The following FAM169A variants were observed in gnomAD, a reference collection of about 807,000 sequenced individuals.
The protein encoded by FAM169A is family with sequence similarity 169 member A.
FAM169A carries 24 observed loss-of-function variants against 75.7 expected under a neutral mutation model. The observed-to-expected ratio is 0.32, with a 90% CI of 0.23 to 0.45. The LOEUF (loss-of-function observed/expected upper bound fraction) is 0.45, where lower values mean the gene tolerates loss of function less well. Ranked by LOEUF, FAM169A falls within the 20% of genes least tolerant of loss-of-function variation. The pLI is 1.00. For missense variants in FAM169A, 673 were observed against 784.0 expected, an observed-to-expected ratio of 0.86 and a Z score of 1.69; for synonymous variants, 271 against 271.0, an observed-to-expected ratio of 1.00 and a Z score of 0.00.
intron 6 of FAM169A, among the ~76,000 whole-genome samples, chr5:74,807,239 G>A (rs1000191079): frequency 6.6e-6 from 1 of 152,038 alleles, no homozygotes; most frequent in Admixed American, 6.6e-5. Flanking sequence ...AATGTGTTCT[G>A]AACACTTACA....
chr5:74,794,920 T>C (rs1746189886), intron 11 of FAM169A, among the ~76,000 whole-genome samples: 1 of 151,888 alleles, frequency 6.6e-6, no homozygotes, highest in South Asian at 2.1e-4. Context: ...ACATATGTCA[T>C]TTCATGAAAT....
chr5:74,836,252 T>C (rs1214402205), intron 4 of FAM169A, among the ~76,000 whole-genome samples: 1 of 152,228 alleles, frequency 6.6e-6, no homozygotes, highest in African/African-American at 2.4e-5. Flanking sequence ...GTTCATGGTG[T>C]ACAGTTAATT....
At chr5:74,812,556 A>G (rs1383175565) in intron 6 of FAM169A, among the ~76,000 whole-genome samples, 1 of 152,026 alleles carries the variant, frequency 6.6e-6, no homozygotes, top group African/African-American at 2.4e-5. Flanking sequence ...CTGAGATAAC[A>G]GGCATATGCC....
At chr5:74,855,263 C>G (rs1044668671) in intron 1 of FAM169A, among the ~76,000 whole-genome samples, 1 of 152,132 alleles carries the variant, frequency 6.6e-6, no homozygotes, top group Non-Finnish European at 1.5e-5. Flanking sequence ...TGGCACAATC[C>G]CAGCTCACTG....
chr5:74,862,006 T>C (rs1213863980), intron 1 of FAM169A, among the ~76,000 whole-genome samples: 2 of 148,232 alleles, frequency 1.3e-5, no homozygotes, highest in Non-Finnish European at 2.9e-5. Flanking sequence ...ATCCAGTCTG[T>C]GTGACACCAA....
chr5:74,853,768 C>T (rs576311204), intron 1 of FAM169A, among the ~76,000 whole-genome samples: 82 of 136,640 alleles, frequency 6.0e-4, no homozygotes, highest in African/African-American at 2.2e-3. Context: ...AGTGCAGTGG[C>T]GCCATCTCGG....
At chr5:74,801,717 T>C (rs2112531079) in intron 8 of FAM169A, 88 bp from the exon 9 acceptor site, 9 of 988,488 alleles carry the variant, frequency 9.1e-6, no homozygotes, top group South Asian at 6.9e-5. Flanking sequence ...AAGAAAAACT[T>C]GTAAAATGTT....
At chr5:74,805,935 T>C (rs1449688186) in intron 6 of FAM169A, among the ~76,000 whole-genome samples, 1 of 122,040 alleles carries the variant, frequency 8.2e-6, no homozygotes, top group Non-Finnish European at 1.7e-5. Flanking sequence ...GATAAGAAAA[T>C]ATTCAGTATG....
At chr5:74,848,080 A>C (rs986660992) in intron 1 of FAM169A, among the ~76,000 whole-genome samples, 3 of 152,160 alleles carry the variant, frequency 2.0e-5, no homozygotes, top group African/African-American at 7.2e-5. Flanking sequence ...ACACACACCT[A>C]TACCTCTCTT....
chr5:74,865,141 A>G (rs1449131211), intron 1 of FAM169A, among the ~76,000 whole-genome samples: 1 of 152,250 alleles, frequency 6.6e-6, no homozygotes, highest in Admixed American at 6.5e-5. Flanking sequence ...GCTTGGGTAT[A>G]ATCTGCTCAG....
chr5:74,828,613 C>T (rs1164393682), intron 5 of FAM169A, among the ~76,000 whole-genome samples: 1 of 152,166 alleles, frequency 6.6e-6, no homozygotes, highest in African/African-American at 2.4e-5. Context: ...CTCCACCTCC[C>T]AGAAGTAGCT....
At chr5:74,800,785 A>G in intron 10 of FAM169A, 95 bp downstream of exon 10, 1 of 383,056 alleles carries the variant, frequency 2.6e-6, no homozygotes, top group South Asian at 1.2e-4. Context: ...AATAGTATAT[A>G]TTATATATAA....
chr5:74,790,639 C>T (rs1288099492), intron 11 of FAM169A, among the ~76,000 whole-genome samples: 1 of 152,178 alleles, frequency 6.6e-6, no homozygotes, highest in Non-Finnish European at 1.5e-5. Flanking sequence ...ACACAGCCTC[C>T]TTACCCAGCC....
chr5:74,815,694 G>T (rs1747434289), intron 5 of FAM169A, among the ~76,000 whole-genome samples: 1 of 152,120 alleles, frequency 6.6e-6, no homozygotes, highest in African/African-American at 2.4e-5. Flanking sequence ...ACAGGAGGTT[G>T]GCACAAGATG....
intron 5 of FAM169A, among the ~76,000 whole-genome samples, chr5:74,827,259 T>A (rs1428557074): frequency 6.6e-6 from 1 of 152,176 alleles, no homozygotes; most frequent in Non-Finnish European, 1.5e-5. Context: ...TACACCCTTC[T>A]TTTATATGTA....
At chr5:74,819,011 G>A (rs1403450986) in intron 5 of FAM169A, among the ~76,000 whole-genome samples, 1 of 152,134 alleles carries the variant, frequency 6.6e-6, no homozygotes, top group Non-Finnish European at 1.5e-5. Flanking sequence ...CCTGTGGTCA[G>A]GAGTTCAAGA....
upstream of FAM169A, chr5:74,866,572 C>T (rs1750360960): frequency 5.7e-6 from 3 of 522,470 alleles, no homozygotes; most frequent in African/African-American, 2.1e-5. Flanking sequence ...CGTCACGCGG[C>T]CCCCGCCTCG....
chr5:74,820,286 G>A (rs1428865580), intron 5 of FAM169A, among the ~76,000 whole-genome samples: 2 of 152,002 alleles, frequency 1.3e-5, no homozygotes, highest in East Asian at 1.9e-4. Flanking sequence ...ATTAGCCACC[G>A]CACCCAGCCT....
rs996035646 is a variant in FAM169A at position 74,779,428 on chromosome 5, G to T, written c.*2032C>A. 6.6e-6 allele frequency: 1 copy of T among 152,016 alleles called. No homozygotes were observed. The highest frequency in any genetic ancestry group is 1.5e-5 in the Non-Finnish European group (1 of 67,958). 9.4% of individuals were successfully genotyped at this position (152,016 alleles called of 1,614,324 possible). A position where few individuals can be genotyped will look rare whatever the true frequency, so the allele number is the denominator to read the frequency against. The stretch of plus-strand genomic sequence containing the variant: ...TTCCATGTTTAAAATAATTTGAAAA[G>T]AAAGTATTTTAAACAAATCCAAGTA... On this transcript the variant is annotated 3_prime_UTR_variant, in exon 13 of 13. Coordinates refer to ENST00000687041, the MANE Select transcript of FAM169A (RefSeq NM_001376049.1).
Sources: gnomAD v4.1 joint callset for allele counts (sites outside exome capture counted in the v4.1 genomes callset) on GRCh38, gnomAD v4.1.1 for gene constraint, MANE v1.5 for transcripts, NCBI Gene and HGNC (gene_info 2026-07-23, HGNC 2026-07-21) for gene names.